Variants in HECW2 observed in about 807,000 individuals in gnomAD.
The protein encoded by HECW2 is E3 ubiquitin-protein ligase HECW2.
HECW2 carries 61 observed loss-of-function variants against 175.2 expected under a neutral mutation model. The ratio of observed to expected loss-of-function variants is 0.35; its 90% CI spans 0.28 to 0.43. The LOEUF is 0.43. Ranked by LOEUF, HECW2 falls within the 20% of genes least tolerant of loss-of-function variation. HECW2 has a pLI of 1.00. For missense variants in HECW2, 1,524 were observed against 2,000.5 expected (o/e 0.76, Z 4.54); for synonymous variants, 671 against 731.0 (o/e 0.92, Z 1.32).
At chr2:196,486,974 A>T (rs1687028254) in intron 1 of HECW2, among the ~76,000 whole-genome samples, 1 of 151,970 alleles carries the variant, frequency 6.6e-6, no homozygotes, top group African/African-American at 2.4e-5. Flanking sequence ...TCACTACAAA[A>T]AACTTTTTTA....
At chr2:196,512,100 A>T (rs1040784774) in intron 1 of HECW2, among the ~76,000 whole-genome samples, 2 of 152,256 alleles carry the variant, frequency 1.3e-5, no homozygotes, top group Admixed American at 1.3e-4. Context: ...ATATGTATGC[A>T]CACTCTGTGT....
At chr2:196,329,359 C>T (rs182554357) in intron 5 of HECW2, among the ~76,000 whole-genome samples, 41 of 152,096 alleles carry the variant, frequency 2.7e-4, no homozygotes, top group Admixed American at 2.0e-3. Flanking sequence ...GACTGTCTAT[C>T]GCCAGAAAAC....
intron 2 of HECW2, among the ~76,000 whole-genome samples, chr2:196,377,480 A>G (rs542909318): frequency 5.3e-5 from 8 of 152,322 alleles, no homozygotes; most frequent in South Asian, 4.1e-4. Flanking sequence ...CTTACATGGT[A>G]GCAGGCAAGA....
chr2:196,270,493 T>C (rs908104116), intron 17 of HECW2, among the ~76,000 whole-genome samples: 3 of 152,208 alleles, frequency 2.0e-5, no homozygotes, highest in Non-Finnish European at 2.9e-5. Context: ...GTTTTTATTA[T>C]GGAAAAATGT....
rs568926482 is a variant in HECW2, at chr2:196,362,723, T to G, written c.293-18959A>C. On this transcript the variant is annotated intron_variant, in intron 2 of 28. Coordinates refer to ENST00000644978, the MANE Select transcript of HECW2 (RefSeq NM_001348768.2). ...ATAGAATCATCAATCTAGCTAATGCTCTTGTCTTATACTGGAAAGAGTTGG... is the reference window on the plus strand; with the variant it reads ...ATAGAATCATCAATCTAGCTAATGCGCTTGTCTTATACTGGAAAGAGTTGG... Among the ~76,000 whole-genome samples the G allele has an allele frequency of 3.9e-5, 6 of 152,372 alleles. No homozygotes were observed. In the South Asian group the frequency reaches 1.2e-3, roughly 32 times the overall value.
intron 1 of HECW2, among the ~76,000 whole-genome samples, chr2:196,441,936 G>A (rs760464613): frequency 2.0e-5 from 3 of 151,970 alleles, no homozygotes; most frequent in Non-Finnish European, 4.4e-5. Flanking sequence ...TAGGAAAAGC[G>A]TGTTTTCCCC....
chr2:196,475,631 G>C (rs954865467), intron 1 of HECW2, among the ~76,000 whole-genome samples: 1 of 152,164 alleles, frequency 6.6e-6, no homozygotes, highest in African/African-American at 2.4e-5. Flanking sequence ...AGCAGCACCA[G>C]GCCTACATCT....
chr2:196,402,075 C>T (rs1372086989), intron 2 of HECW2, among the ~76,000 whole-genome samples: 1 of 151,666 alleles, frequency 6.6e-6, no homozygotes, highest in Non-Finnish European at 1.5e-5. Context: ...GTGGCGGGCG[C>T]CTGTAGTCCC....
intron 1 of HECW2, among the ~76,000 whole-genome samples, chr2:196,561,303 C>T (rs559263707): frequency 6.6e-6 from 1 of 152,294 alleles, no homozygotes; most frequent in South Asian, 2.1e-4. Context: ...GAAATTCCAG[C>T]CTGGCAAATT....
intron 2 of HECW2, among the ~76,000 whole-genome samples, chr2:196,377,752 A>G (rs1192959670): frequency 6.6e-6 from 1 of 152,244 alleles, no homozygotes; most frequent in Non-Finnish European, 1.5e-5. Context: ...TTTCCATTTT[A>G]CAAATTTCTC....
chr2:196,395,886 C>T (rs548920072), intron 2 of HECW2, among the ~76,000 whole-genome samples: 35 of 152,118 alleles, frequency 2.3e-4, no homozygotes, highest in South Asian at 6.2e-4. Context: ...TGGGTATACA[C>T]GTAAAGGGAT....
chr2:196,331,067 A>G (rs1011020843), intron 4 of HECW2: 11 of 794,698 alleles, frequency 1.4e-5, no homozygotes, highest in Non-Finnish European at 1.7e-5. Flanking sequence ...TTTGAAGTAT[A>G]AATTTCTACT....
intron 2 of HECW2, among the ~76,000 whole-genome samples, chr2:196,424,544 C>T (rs536437087): frequency 1.4e-4 from 22 of 152,196 alleles, no homozygotes; most frequent in Non-Finnish European, 2.6e-4. Flanking sequence ...TTCCAAAGTA[C>T]ATACGAATGA....
chr2:196,498,409 A>G (rs1687468927), intron 1 of HECW2, among the ~76,000 whole-genome samples: 2 of 152,332 alleles, frequency 1.3e-5, no homozygotes, highest in South Asian at 4.1e-4. Flanking sequence ...CATGGTGAAC[A>G]TCTTTATGAA....
chr2:196,432,563 T>G (rs1695747466), intron 2 of HECW2, among the ~76,000 whole-genome samples: 1 of 152,238 alleles, frequency 6.6e-6, no homozygotes, highest in South Asian at 2.1e-4. Flanking sequence ...GAACTGTTTT[T>G]ATTAAAGCAA....
chr2:196,437,527 G>A (rs13382516), intron 1 of HECW2, among the ~76,000 whole-genome samples: 4,526 of 150,252 alleles, frequency 0.03, 226 homozygotes, highest in African/African-American at 0.1. Flanking sequence ...CACGAGAATC[G>A]CTTGAACCAG....
At chr2:196,328,205 C>G (rs919432956) in intron 5 of HECW2, among the ~76,000 whole-genome samples, 1 of 152,144 alleles carries the variant, frequency 6.6e-6, no homozygotes, top group South Asian at 2.1e-4. Context: ...ACCCTCAATA[C>G]TGTGAAGGTT....
chr2:196,343,166 G>A (rs1692825648), intron 3 of HECW2, among the ~76,000 whole-genome samples: 1 of 151,990 alleles, frequency 6.6e-6, no homozygotes, highest in Non-Finnish European at 1.5e-5. Flanking sequence ...ACCCCCATGG[G>A]ATACCAAAAT....
chr2:196,586,996 T>C (rs1042367864), intron 1 of HECW2, among the ~76,000 whole-genome samples: 1 of 152,210 alleles, frequency 6.6e-6, no homozygotes, highest in Non-Finnish European at 1.5e-5. Context: ...GTTTTGTCAA[T>C]AACTTCTGGT....
Sources: gnomAD v4.1 joint callset for allele counts (sites outside exome capture counted in the v4.1 genomes callset) on GRCh38, gnomAD v4.1.1 for gene constraint, MANE v1.5 for transcripts, NCBI Gene and HGNC (gene_info 2026-07-23, HGNC 2026-07-21) for gene names.